STPG2: variants seen among roughly 807,000 people sequenced by gnomAD.
STPG2 encodes sperm tail PG-rich repeat containing 2, also known as sperm-tail PG-rich repeat-containing protein 2.
A neutral mutation model predicts 54.2 loss-of-function variants in STPG2; 56 were observed. The ratio of observed to expected loss-of-function variants is 1.03; its 90% confidence interval spans 0.83 to 1.29. The LOEUF (loss-of-function observed/expected upper bound fraction) is 1.29, where lower values mean the gene tolerates loss of function less well. STPG2 is among the 50% of genes most tolerant of loss of function. The pLI is 0.00. For synonymous variants in STPG2, 200 were observed against 181.8 expected, an observed-to-expected ratio of 1.10 and a Z score of -0.81; for missense variants, 596 against 544.9, an observed-to-expected ratio of 1.09 and a Z score of -0.93.
intron 10 of STPG2, among the ~76,000 whole-genome samples, chr4:97,598,780 A>G (rs1356659876): frequency 2.6e-5 from 4 of 152,114 alleles, no homozygotes; most frequent in Non-Finnish European, 4.4e-5. Flanking sequence ...CTCAAGATGG[A>G]TTAAAGCCTT....
intron 10 of STPG2, among the ~76,000 whole-genome samples, chr4:97,677,036 GT>G: frequency 6.6e-6 from 1 of 152,128 alleles, no homozygotes; most frequent in African/African-American, 2.4e-5. Flanking sequence ...TATAGTAGTA[GT>G]TTTTACTTTT....
intron 4 of STPG2, among the ~76,000 whole-genome samples, chr4:97,481,751 G>T (rs545334622): frequency 1.3e-5 from 2 of 151,272 alleles, no homozygotes; most frequent in Admixed American, 6.6e-5. Context: ...TTGTAAGCTT[G>T]TTTTATTTTT....
chr4:97,690,054 A>G (rs969068523), intron 10 of STPG2, among the ~76,000 whole-genome samples: 1 of 152,178 alleles, frequency 6.6e-6, no homozygotes, highest in Non-Finnish European at 1.5e-5. Context: ...GCATATTTAA[A>G]TCAATAAAGC....
intron 9 of STPG2, among the ~76,000 whole-genome samples, chr4:97,795,242 C>A (rs525195): frequency 0.58 from 88,674 of 151,914 alleles, 26,426 homozygotes; most frequent in East Asian, 0.74. Context: ...ACATGTGCAC[C>A]ACGTGCAGGT....
chr4:97,545,495 C>T (rs1731815568), intron 4 of STPG2, among the ~76,000 whole-genome samples: 1 of 151,996 alleles, frequency 6.6e-6, no homozygotes, highest in Non-Finnish European at 1.5e-5. Context: ...GGTCCCTCAA[C>T]CCCCCTGGTG....
chr4:97,752,418 A>G (rs1725604751), intron 9 of STPG2, among the ~76,000 whole-genome samples: 1 of 151,798 alleles, frequency 6.6e-6, no homozygotes, highest in South Asian at 2.1e-4. Context: ...AGATTTAGGA[A>G]GAGAAACAAT....
intron 9 of STPG2, among the ~76,000 whole-genome samples, chr4:97,714,531 T>C (rs1328800352): frequency 2.0e-5 from 3 of 152,204 alleles, no homozygotes; most frequent in African/African-American, 7.2e-5. Context: ...GGGAAGCTAA[T>C]GTGTTTTGAT....
At chr4:97,736,769 C>T (rs1230791780) in intron 9 of STPG2, among the ~76,000 whole-genome samples, 2 of 152,222 alleles carry the variant, frequency 1.3e-5, no homozygotes, top group South Asian at 2.1e-4. Context: ...GTAGGCTCCA[C>T]TTCTGGGGCA....
intron 5 of STPG2, among the ~76,000 whole-genome samples, chr4:98,084,870 A>G (rs1166946141): frequency 6.6e-6 from 1 of 152,110 alleles, no homozygotes; most frequent in Non-Finnish European, 1.5e-5. Flanking sequence ...TGTCAGATAG[A>G]TATGTTGCAA....
At chr4:97,903,745 C>T (rs1731272637) in intron 8 of STPG2, among the ~76,000 whole-genome samples, 1 of 152,306 alleles carries the variant, frequency 6.6e-6, no homozygotes, top group East Asian at 1.9e-4. Flanking sequence ...GGTGCGCAAA[C>T]TGTGCAGGAG....
intron 8 of STPG2, among the ~76,000 whole-genome samples, chr4:97,876,642 G>A (rs1207546084): frequency 1.3e-5 from 2 of 151,672 alleles, no homozygotes; most frequent in Admixed American, 1.3e-4. Flanking sequence ...AAAAAGCTAA[G>A]GATATTCTAC....
chr4:97,575,435 GC>G (rs1732700036), intron 10 of STPG2, among the ~76,000 whole-genome samples: 1 of 152,048 alleles, frequency 6.6e-6, no homozygotes, highest in African/African-American at 2.4e-5. Context: ...AGTCGAGTAG[GC>G]TTTATTCCTA....
chr4:97,718,640 T>C (rs776356016), intron 9 of STPG2, among the ~76,000 whole-genome samples: 1 of 152,092 alleles, frequency 6.6e-6, no homozygotes, highest in Non-Finnish European at 1.5e-5. Flanking sequence ...CATTGGATAT[T>C]AAAAAAGAAC....
At chr4:98,081,882 A>C (rs918632562) in intron 5 of STPG2, among the ~76,000 whole-genome samples, 1 of 152,238 alleles carries the variant, frequency 6.6e-6, no homozygotes, top group Non-Finnish European at 1.5e-5. Context: ...TAATTAGTTC[A>C]GCCCAAGACT....
intron 4 of STPG2, among the ~76,000 whole-genome samples, chr4:97,526,399 G>A (rs938340477): frequency 6.6e-6 from 1 of 151,960 alleles, no homozygotes; most frequent in African/African-American, 2.4e-5. Flanking sequence ...CTCCCAGATT[G>A]CTTCAGTATG....
chr4:97,501,913 G>A (rs1030539431), intron 4 of STPG2, among the ~76,000 whole-genome samples: 7 of 151,836 alleles, frequency 4.6e-5, no homozygotes, highest in Non-Finnish European at 1.0e-4. Flanking sequence ...TCACAACTAA[G>A]AAAATTAATT....
intron 8 of STPG2, among the ~76,000 whole-genome samples, chr4:97,881,605 T>G (rs974460763): frequency 6.6e-6 from 1 of 152,126 alleles, no homozygotes; most frequent in Non-Finnish European, 1.5e-5. Flanking sequence ...TCATTTACCA[T>G]GAGAAAATAA....
chr4:97,806,187 TA>T (rs1431452112), intron 9 of STPG2, among the ~76,000 whole-genome samples: 1 of 152,080 alleles, frequency 6.6e-6, no homozygotes, highest in Non-Finnish European at 1.5e-5. Context: ...TATGCAGCCA[TA>T]AAAAAGAATG....
chr4:97,444,604 A>G (rs1483183811), intron 4 of STPG2, among the ~76,000 whole-genome samples: 1 of 152,232 alleles, frequency 6.6e-6, no homozygotes, highest in Non-Finnish European at 1.5e-5. Context: ...CATCAACAGC[A>G]AACCTGTGCA....
Sources: gnomAD v4.1 joint callset for allele counts (sites outside exome capture counted in the v4.1 genomes callset) on GRCh38, gnomAD v4.1.1 for gene constraint, MANE v1.5 for transcripts, NCBI Gene and HGNC (gene_info 2026-07-23, HGNC 2026-07-21) for gene names.